KLHL4: variants seen among roughly 807,000 people sequenced by gnomAD.
The protein encoded by KLHL4 is kelch like family member 4.
Under a neutral mutation model 45.8 loss-of-function variants are expected in KLHL4, and 17 were observed. The ratio of observed to expected loss-of-function variants is 0.37; its 90% CI spans 0.25 to 0.56. The LOEUF (loss-of-function observed/expected upper bound fraction) is 0.56, where lower values mean the gene tolerates loss of function less well. Ranked by LOEUF, KLHL4 falls within the 20% of genes least tolerant of loss-of-function variation. KLHL4 has a pLI of 0.79. For synonymous variants in KLHL4, 224 were observed against 189.9 expected (o/e 1.18, Z -1.47); for missense variants, 544 against 544.9 (o/e 1.00, Z 0.02).
chrX:87,573,015 T>C (rs1408344917), intron 1 of KLHL4, among the ~76,000 whole-genome samples: 1 of 111,913 alleles, frequency 8.9e-6, no homozygotes, highest in African/African-American at 3.2e-5. Context: ...AATCCTCTTC[T>C]ATCAAGATTA....
chrX:87,582,968 G>GT (rs943474822), intron 1 of KLHL4, among the ~76,000 whole-genome samples: 39 of 111,117 alleles, frequency 3.5e-4, no homozygotes, highest in Non-Finnish European at 7.0e-4. Context: ...TCATAGTGTC[G>GT]TTTTTTTCAA....
At chrX:87,660,623 T>G (rs1195503972) in intron 9 of KLHL4, among the ~76,000 whole-genome samples, 1 of 111,936 alleles carries the variant, frequency 8.9e-6, no homozygotes, top group Non-Finnish European at 1.9e-5. Flanking sequence ...GGTGGGTGGA[T>G]CACTTGAGGC....
At chrX:87,535,590 G>A (rs6617400) in intron 1 of KLHL4, among the ~76,000 whole-genome samples, 28,389 of 109,649 alleles carry the variant, frequency 0.26, 3,024 homozygotes, top group East Asian at 0.51. Context: ...AGCACCTGGG[G>A]GCTTCTCTAT....
intron 6 of KLHL4, among the ~76,000 whole-genome samples, chrX:87,631,721 C>T (rs1174779564): frequency 1.8e-5 from 2 of 111,236 alleles, no homozygotes; most frequent in African/African-American, 6.5e-5. Context: ...CCTTTAGTTA[C>T]GTGTCTTTTA....
chrX:87,595,843 A>T (rs2147802940), intron 1 of KLHL4, among the ~76,000 whole-genome samples: 1 of 111,611 alleles, frequency 9.0e-6, no homozygotes, highest in Non-Finnish European at 1.9e-5. Context: ...TACTAAATAT[A>T]AATATAAACT....
Position 87,518,331 on chromosome X carries a change from C to G in KLHL4, c.422+16C>G, listed in dbSNP as rs750484826. On this transcript the variant is annotated intron_variant, in intron 1 of 10. Coordinates refer to ENST00000373119, the MANE Select transcript of KLHL4 (RefSeq NM_019117.5). ...CTACAGCAAGGTAAGAGTTTTTGGT[C>G]GCATAACTGAATGCCGTAACTTCAG... 1 of 1,159,008 alleles carries G rather than the reference C, an allele frequency of 8.6e-7. No individual in the cohort carries two copies. The highest frequency in any genetic ancestry group is 1.9e-5 in the South Asian group (1 of 53,450).
intron 1 of KLHL4, among the ~76,000 whole-genome samples, chrX:87,609,279 A>G (rs745551867): frequency 4.5e-4 from 50 of 112,167 alleles, no homozygotes; most frequent in African/African-American, 1.4e-3. Flanking sequence ...GTACCCAGTA[A>G]TGGGATGGCT....
chrX:87,594,502 C>T (rs1248947501), intron 1 of KLHL4, among the ~76,000 whole-genome samples: 2 of 111,614 alleles, frequency 1.8e-5, no homozygotes, highest in Non-Finnish European at 3.8e-5. Flanking sequence ...TAGTTTCACA[C>T]TTTATTTCTG....
At chrX:87,664,999 A>G in intron 10 of KLHL4, 64 bp downstream of exon 10, 1 of 735,569 alleles carries the variant, frequency 1.4e-6, no homozygotes, top group Non-Finnish European at 2.0e-6. Flanking sequence ...ATTAAATTAT[A>G]TTTTTGAAAT....
intron 1 of KLHL4, among the ~76,000 whole-genome samples, chrX:87,524,994 C>T (rs1931080527): frequency 9.0e-6 from 1 of 111,721 alleles, no homozygotes; most frequent in South Asian, 3.7e-4. Flanking sequence ...AACTAGTTAA[C>T]GTAATACTGA....
intron 1 of KLHL4, among the ~76,000 whole-genome samples, chrX:87,543,841 T>G (rs5969245): frequency 0.25 from 27,730 of 110,241 alleles, 2,982 homozygotes; most frequent in East Asian, 0.52. Context: ...GAGTGGACTG[T>G]GAGGTATATG....
At chrX:87,580,388 A>G (rs1482372814) in intron 1 of KLHL4, among the ~76,000 whole-genome samples, 2 of 111,035 alleles carry the variant, frequency 1.8e-5, no homozygotes, top group African/African-American at 6.5e-5. Flanking sequence ...TAATTTAAAC[A>G]TAAATGGATT....
At chrX:87,560,544 G>A (rs1005007844) in intron 1 of KLHL4, among the ~76,000 whole-genome samples, 3 of 111,273 alleles carry the variant, frequency 2.7e-5, no homozygotes, top group Non-Finnish European at 5.7e-5. Context: ...ATGTTGTATA[G>A]CAGATCTCCG....
chrX:87,546,697 T>C (rs763993429), intron 1 of KLHL4, among the ~76,000 whole-genome samples: 1 of 112,245 alleles, frequency 8.9e-6, no homozygotes, highest in Non-Finnish European at 1.9e-5. Flanking sequence ...ACACCAGCTG[T>C]GAAAGCAGCC....
chrX:87,568,385 TTTTTTC>T (rs200529913), intron 1 of KLHL4, among the ~76,000 whole-genome samples: 12,844 of 73,682 alleles, frequency 0.17, 746 homozygotes, highest in East Asian at 0.43. Flanking sequence ...TTTCTTTTCT[TTTTTTC>T]TTTTTTTTTT....
chrX:87,525,680 TA>T (rs1227555779), intron 1 of KLHL4, among the ~76,000 whole-genome samples: 1 of 111,819 alleles, frequency 8.9e-6, no homozygotes, highest in Non-Finnish European at 1.9e-5. Flanking sequence ...CATTAACCAT[TA>T]CATAAAGGTT....
At chrX:87,523,978 T>A (rs1931057727) in intron 1 of KLHL4, among the ~76,000 whole-genome samples, 1 of 110,324 alleles carries the variant, frequency 9.1e-6, no homozygotes, top group Non-Finnish European at 1.9e-5. Flanking sequence ...AATAAATAAA[T>A]AAAAATAAAT....
intron 1 of KLHL4, among the ~76,000 whole-genome samples, chrX:87,557,343 C>A (rs1932000406): frequency 9.0e-6 from 1 of 111,617 alleles, no homozygotes; most frequent in South Asian, 3.7e-4. Flanking sequence ...ATTCTGCTGG[C>A]TCCAGATGTA....
At chrX:87,628,010 G>A (rs1049759758) in intron 6 of KLHL4, among the ~76,000 whole-genome samples, 4 of 111,404 alleles carry the variant, frequency 3.6e-5, no homozygotes, top group Non-Finnish European at 7.5e-5. Context: ...TATTACCAAA[G>A]TTTGTTATGG....
Sources: gnomAD v4.1 joint callset for allele counts (sites outside exome capture counted in the v4.1 genomes callset) on GRCh38, gnomAD v4.1.1 for gene constraint, MANE v1.5 for transcripts, NCBI Gene and HGNC (gene_info 2026-07-23, HGNC 2026-07-21) for gene names.